Variants in DCDC2 observed in about 807,000 individuals in gnomAD.
DCDC2 encodes doublecortin domain-containing protein 2.
Under a neutral mutation model 50.2 loss-of-function variants are expected in DCDC2, and 40 were observed. The ratio of observed to expected loss-of-function variants is 0.80; its 90% CI spans 0.62 to 1.04. The LOEUF is 1.04. DCDC2 is among the 50% of genes least tolerant of loss of function. DCDC2 has a pLI of 0.00. For missense variants in DCDC2, 570 were observed against 581.9 expected, an observed-to-expected ratio of 0.98 and a Z score of 0.21; for synonymous variants, 234 against 210.6, an observed-to-expected ratio of 1.11 and a Z score of -0.96.
chr6:24,331,897 T>C (rs2127240182), intron 2 of DCDC2, among the ~76,000 whole-genome samples: 1 of 152,334 alleles, frequency 6.6e-6, no homozygotes, highest in South Asian at 2.1e-4. Flanking sequence ...AGAAATTATG[T>C]ATAGATTGGA....
intron 7 of DCDC2, among the ~76,000 whole-genome samples, chr6:24,251,732 A>G (rs1259954086): frequency 6.6e-6 from 1 of 152,330 alleles, no homozygotes; most frequent in South Asian, 2.1e-4. Flanking sequence ...CTTAAGCATT[A>G]TAAGTAAATC....
At chr6:24,198,249 C>T (rs1761490024) in intron 8 of DCDC2, among the ~76,000 whole-genome samples, 2 of 152,308 alleles carry the variant, frequency 1.3e-5, no homozygotes, top group East Asian at 3.9e-4. Context: ...TTTGCAGCTC[C>T]CAGTGAGATC....
intron 2 of DCDC2, among the ~76,000 whole-genome samples, chr6:24,342,769 C>A (rs573218806): frequency 6.6e-6 from 1 of 151,810 alleles, no homozygotes; most frequent in South Asian, 2.1e-4. Flanking sequence ...GTTTTTTACC[C>A]CCATTTTGTT....
intron 7 of DCDC2, among the ~76,000 whole-genome samples, chr6:24,224,615 C>T (rs1479102893): frequency 1.3e-5 from 2 of 152,164 alleles, no homozygotes; most frequent in Non-Finnish European, 2.9e-5. Context: ...AGGTAAAAGG[C>T]TTTGTAAGCC....
intron 7 of DCDC2, among the ~76,000 whole-genome samples, chr6:24,246,116 G>A (rs544627279): frequency 3.6e-4 from 55 of 152,012 alleles, no homozygotes; most frequent in African/African-American, 1.1e-3. Context: ...ATAAGCCACC[G>A]CGCCCGGCCT....
chr6:24,360,182 C>T (rs1195880871), upstream of DCDC2, among the ~76,000 whole-genome samples: 1 of 152,238 alleles, frequency 6.6e-6, no homozygotes, highest in Non-Finnish European at 1.5e-5. Flanking sequence ...GCGCGGGGAG[C>T]GAGTCAGTGA....
intron 8 of DCDC2, among the ~76,000 whole-genome samples, chr6:24,185,694 C>T (rs4712808): frequency 2.3e-4 from 11 of 47,958 alleles, no homozygotes; most frequent in South Asian, 2.1e-3. Flanking sequence ...CACATACACA[C>T]ACACACACAC....
At chr6:24,359,597 CAG>C (rs906197144), upstream of DCDC2, among the ~76,000 whole-genome samples, 1 of 113,032 alleles carries the variant, frequency 8.8e-6, no homozygotes, top group African/African-American at 3.6e-5. Flanking sequence ...TATATATATT[CAG>C]AGAGAGAAAG....
intron 7 of DCDC2, among the ~76,000 whole-genome samples, chr6:24,262,594 G>A (rs1763035310): frequency 6.6e-6 from 1 of 152,162 alleles, no homozygotes; most frequent in African/African-American, 2.4e-5. Context: ...AGCTTTGGGA[G>A]AGATTCCTTC....
intron 7 of DCDC2, among the ~76,000 whole-genome samples, chr6:24,258,143 G>T (rs958499520): frequency 2.6e-5 from 4 of 152,180 alleles, no homozygotes; most frequent in African/African-American, 9.7e-5. Flanking sequence ...CCTTCACAGT[G>T]AGTATTACAG....
At chr6:24,309,028 T>C (rs901758284) in intron 2 of DCDC2, among the ~76,000 whole-genome samples, 2 of 152,184 alleles carry the variant, frequency 1.3e-5, no homozygotes, top group Non-Finnish European at 2.9e-5. Context: ...AATGGAAATA[T>C]GTGAGTAATT....
intron 7 of DCDC2, among the ~76,000 whole-genome samples, chr6:24,247,716 G>C (rs1310852208): frequency 6.6e-6 from 1 of 152,168 alleles, no homozygotes; most frequent in Non-Finnish European, 1.5e-5. Context: ...TATGGGTATA[G>C]CAACAGAGTA....
At chr6:24,180,403 G>GC (rs1561879886) in intron 8 of DCDC2, among the ~76,000 whole-genome samples, 1 of 151,884 alleles carries the variant, frequency 6.6e-6, no homozygotes, top group Non-Finnish European at 1.5e-5. Context: ...TCCTGCCTCA[G>GC]CCCCCCGAGT....
At chr6:24,351,941 G>A (rs376710829) in intron 2 of DCDC2, among the ~76,000 whole-genome samples, 9 of 152,056 alleles carry the variant, frequency 5.9e-5, no homozygotes, top group African/African-American at 2.2e-4. Context: ...CCGTCTCTAC[G>A]AAAAACAAAA....
At chr6:24,375,452 G>A in the DCDC2 span, among the ~76,000 whole-genome samples, 1 of 151,968 alleles carries the variant, frequency 6.6e-6, no homozygotes, top group African/African-American at 2.4e-5. Context: ...ACATATTTAG[G>A]GGCAATGAAA....
intron 2 of DCDC2, among the ~76,000 whole-genome samples, chr6:24,332,553 G>A (rs1000480375): frequency 4.6e-5 from 7 of 152,112 alleles, no homozygotes; most frequent in African/African-American, 1.7e-4. Context: ...CAAAGAAAAG[G>A]CATCTCTGCT....
At chr6:24,241,254 CA>C (rs1163473646) in intron 7 of DCDC2, among the ~76,000 whole-genome samples, 3 of 152,138 alleles carry the variant, frequency 2.0e-5, no homozygotes, top group Non-Finnish European at 2.9e-5. Flanking sequence ...AAACTGTGAC[CA>C]AAAAAGCTAG....
chr6:24,250,489 A>G (rs1014999535), intron 7 of DCDC2, among the ~76,000 whole-genome samples: 13 of 152,210 alleles, frequency 8.5e-5, no homozygotes, highest in African/African-American at 3.1e-4. Context: ...ATGGCAATGA[A>G]AAATATGTTC....
At chr6:24,222,503 T>C (rs1053601257) in intron 7 of DCDC2, among the ~76,000 whole-genome samples, 3 of 152,250 alleles carry the variant, frequency 2.0e-5, no homozygotes, top group African/African-American at 7.2e-5. Flanking sequence ...ACAGGTTTAA[T>C]ACCTGATTAT....
Sources: gnomAD v4.1 joint callset for allele counts (sites outside exome capture counted in the v4.1 genomes callset) on GRCh38, gnomAD v4.1.1 for gene constraint, MANE v1.5 for transcripts, NCBI Gene and HGNC (gene_info 2026-07-23, HGNC 2026-07-21) for gene names.